ABTB3: variants seen among roughly 807,000 people sequenced by gnomAD.
ABTB3 encodes the protein ankyrin repeat and BTB domain containing 3.
At chr12:107,610,076 C>A in the ABTB3 span, 3 of 1,247,068 alleles carry the variant, frequency 2.4e-6, no homozygotes, top group Admixed American at 1.8e-5. Flanking sequence ...AGCCTAGGAA[C>A]AGGCAATTTA....
the ABTB3 span, among the ~76,000 whole-genome samples, chr12:107,652,744 T>C: frequency 6.6e-6 from 1 of 152,188 alleles, no homozygotes; most frequent in Non-Finnish European, 1.5e-5. Flanking sequence ...ACTGATTTCA[T>C]CCAATTCACT....
chr12:107,372,207 C>G, the ABTB3 span, among the ~76,000 whole-genome samples: 3 of 152,194 alleles, frequency 2.0e-5, no homozygotes, highest in East Asian at 5.8e-4. Context: ...ATGAATATAT[C>G]TTCTCATTAA....
At chr12:107,411,950 G>T in the ABTB3 span, among the ~76,000 whole-genome samples, 11 of 152,292 alleles carry the variant, frequency 7.2e-5, no homozygotes, top group Non-Finnish European at 1.6e-4. Flanking sequence ...TGGCACCAGA[G>T]CCATAGAACA....
chr12:107,397,160 G>A, the ABTB3 span, among the ~76,000 whole-genome samples: 4 of 152,330 alleles, frequency 2.6e-5, no homozygotes, highest in Middle Eastern at 3.4e-3. Flanking sequence ...ATCACAGGGC[G>A]TGAACGTTTG....
chr12:107,651,250 CA>C, the ABTB3 span, among the ~76,000 whole-genome samples: 1 of 152,096 alleles, frequency 6.6e-6, no homozygotes, highest in Non-Finnish European at 1.5e-5. Flanking sequence ...TGAGACAGGG[CA>C]AGGAGGAAAG....
chr12:107,582,257 T>C, the ABTB3 span, among the ~76,000 whole-genome samples: 8 of 152,226 alleles, frequency 5.3e-5, no homozygotes, highest in Non-Finnish European at 7.3e-5. Context: ...TGCCGAGCAC[T>C]GTTCTAAGTG....
the ABTB3 span, chr12:107,619,871 C>T: frequency 4.1e-6 from 4 of 974,570 alleles, no homozygotes; most frequent in Non-Finnish European, 5.9e-6. Flanking sequence ...TAGTAATGTC[C>T]TGGGGAAAAG....
the ABTB3 span, among the ~76,000 whole-genome samples, chr12:107,554,683 T>G: frequency 1.3e-5 from 2 of 152,238 alleles, no homozygotes; most frequent in Admixed American, 1.3e-4. Flanking sequence ...CTTCTTAAAA[T>G]GCAGATCCTA....
At chr12:107,653,446 G>T in the ABTB3 span, among the ~76,000 whole-genome samples, 2 of 151,968 alleles carry the variant, frequency 1.3e-5, no homozygotes, top group East Asian at 1.9e-4. Flanking sequence ...GAACCTGGGG[G>T]CCAGAGCGTG....
At chr12:107,471,889 G>C in the ABTB3 span, among the ~76,000 whole-genome samples, 1 of 152,124 alleles carries the variant, frequency 6.6e-6, no homozygotes, top group Non-Finnish European at 1.5e-5. Flanking sequence ...GCTCCCTTCT[G>C]TCCCCTTAGA....
At chr12:107,448,747 T>C in the ABTB3 span, among the ~76,000 whole-genome samples, 1 of 151,718 alleles carries the variant, frequency 6.6e-6, no homozygotes, top group African/African-American at 2.4e-5. Context: ...TTCAAGCAAT[T>C]CTCCTGCCTC....
chr12:107,448,397 C>T, the ABTB3 span, among the ~76,000 whole-genome samples: 1 of 152,180 alleles, frequency 6.6e-6, no homozygotes, highest in Non-Finnish European at 1.5e-5. Flanking sequence ...CATGCTCTGC[C>T]CACAGGGGGC....
chr12:107,431,084 T>G, the ABTB3 span, among the ~76,000 whole-genome samples: 1 of 152,238 alleles, frequency 6.6e-6, no homozygotes, highest in Admixed American at 6.5e-5. Context: ...TTCTAGTAAA[T>G]GCATCAGGGT....
the ABTB3 span, among the ~76,000 whole-genome samples, chr12:107,367,929 C>T: frequency 6.6e-6 from 1 of 152,108 alleles, no homozygotes; most frequent in Non-Finnish European, 1.5e-5. Flanking sequence ...TGTAAAATTG[C>T]TTTCTGTGTG....
At chr12:107,580,671 A>G in the ABTB3 span, 1 of 567,330 alleles carries the variant, frequency 1.8e-6, no homozygotes. Context: ...GAAAGACGAC[A>G]GGGACGAGGC....
At chr12:107,647,110 A>C in the ABTB3 span, among the ~76,000 whole-genome samples, 1 of 152,168 alleles carries the variant, frequency 6.6e-6, no homozygotes. Flanking sequence ...GAGGAAGATC[A>C]CTTGAGCTCA....
the ABTB3 span, among the ~76,000 whole-genome samples, chr12:107,648,969 A>G: frequency 6.6e-6 from 1 of 152,140 alleles, no homozygotes; most frequent in South Asian, 2.1e-4. Flanking sequence ...GTGGGAAAAC[A>G]TATGGAGACA....
At chr12:107,521,263 TTGTG>T in the ABTB3 span, among the ~76,000 whole-genome samples, 5,426 of 142,884 alleles carry the variant, frequency 0.038, 247 homozygotes, top group African/African-American at 0.1. Flanking sequence ...TTCATATAAG[TTGTG>T]TGTGTGTGTG....
At chr12:107,508,418 TAAAATCTCAAAGATCA>T in the ABTB3 span, among the ~76,000 whole-genome samples, 1 of 146,010 alleles carries the variant, frequency 6.8e-6, no homozygotes, top group African/African-American at 2.5e-5. Context: ...TGATGTTAAT[TAAAATCTCAAAGATCA>T]TTTCTTTTTT....
Sources: allele counts gnomAD v4.1 joint callset (sites outside exome capture counted in the v4.1 genomes callset), GRCh38; gene constraint gnomAD v4.1.1; transcripts MANE v1.5; gene names NCBI Gene and HGNC (gene_info 2026-07-23, HGNC 2026-07-21).